Variants in HS3ST2 observed in about 807,000 individuals in gnomAD.
HS3ST2 encodes the protein heparan sulfate glucosamine 3-O-sulfotransferase 2.
A neutral mutation model predicts 26.3 loss-of-function variants in HS3ST2; 17 were observed. That is an observed-to-expected ratio of 0.65 (90% confidence interval 0.44 to 0.97). The LOEUF is 0.97. Ranked by LOEUF, HS3ST2 falls within the 50% of genes least tolerant of loss-of-function variation. The probability of loss-of-function intolerance (pLI) is 0.00; values close to 1 mark genes in which losing one functional copy is unlikely to be tolerated. For synonymous variants in HS3ST2, 237 were observed against 219.2 expected, an observed-to-expected ratio of 1.08 and a Z score of -0.72; for missense variants, 402 against 501.2, an observed-to-expected ratio of 0.80 and a Z score of 1.89.
At chr16:22,824,993 T>G (rs1247650221) in intron 1 of HS3ST2, among the ~76,000 whole-genome samples, 1 of 152,056 alleles carries the variant, frequency 6.6e-6, no homozygotes, top group African/African-American at 2.4e-5. Context: ...CAGATCTTAT[T>G]GGAGAGAGAG....
At chr16:22,823,618 TAAA>T (rs35978909) in intron 1 of HS3ST2, among the ~76,000 whole-genome samples, 350 of 137,290 alleles carry the variant, frequency 2.5e-3, no homozygotes, top group Admixed American at 4.3e-3. Context: ...ACCTCTTCTC[TAAA>T]AAAAAAAAAA....
rs375014675 is a variant in HS3ST2, at chr16:22,911,059, G to T, written c.486-3885G>T. On this transcript the variant is annotated intron_variant, in intron 1 of 1. Transcript: ENST00000261374. The stretch of plus-strand genomic sequence containing the variant: ...ATTTGAAACATTTACTATGAAAAAT[G>T]ATGGAAAGGGCCTGAAAAGACAAAT... 3.2e-3 allele frequency among the ~76,000 whole-genome samples: 489 copies of T among 152,320 alleles called. 2 individuals are homozygous for T. Among genetic ancestry groups the T allele is most frequent in the South Asian group, 0.012 (60 of 4,822 alleles).
intron 1 of HS3ST2, among the ~76,000 whole-genome samples, chr16:22,859,953 C>G (rs990693327): frequency 2.6e-5 from 4 of 152,088 alleles, no homozygotes. Context: ...ATTCCTCAAT[C>G]TGAAGTCCAG....
At chr16:22,894,432 G>A (rs1445267119) in intron 1 of HS3ST2, among the ~76,000 whole-genome samples, 1 of 152,184 alleles carries the variant, frequency 6.6e-6, no homozygotes, top group Admixed American at 6.5e-5. Context: ...AACATTGATT[G>A]TGCCTTTTCC....
chr16:22,827,710 C>CTT (rs34248118), intron 1 of HS3ST2, among the ~76,000 whole-genome samples: 13,070 of 108,868 alleles, frequency 0.12, 1,357 homozygotes, highest in East Asian at 0.17. Context: ...TTCTTTCTTT[C>CTT]TTTTTTTTTT....
chr16:22,886,461 C>T (rs546612852), intron 1 of HS3ST2, among the ~76,000 whole-genome samples: 98 of 152,252 alleles, frequency 6.4e-4, no homozygotes, highest in Non-Finnish European at 1.0e-3. Context: ...GCCGGCCTCA[C>T]GGAAAATAGA....
intron 1 of HS3ST2, among the ~76,000 whole-genome samples, chr16:22,853,871 C>T (rs1016421569): frequency 3.9e-5 from 6 of 152,180 alleles, no homozygotes; most frequent in Non-Finnish European, 8.8e-5. Flanking sequence ...GGCTGATTGT[C>T]TGGTCAAGCA....
chr16:22,857,119 G>A (rs1901607010), intron 1 of HS3ST2, among the ~76,000 whole-genome samples: 1 of 152,068 alleles, frequency 6.6e-6, no homozygotes, highest in Non-Finnish European at 1.5e-5. Flanking sequence ...GAGGTTCAGA[G>A]GGGCTAAATG....
chr16:22,814,679 CT>C lies in HS3ST2; in HGVS notation c.71del (p.Phe24SerfsTer99). On this transcript the variant is annotated frameshift_variant, in exon 1 of 2. Coordinates refer to ENST00000261374, the MANE Select transcript of HS3ST2 (RefSeq NM_006043.2). LOFTEE classifies it high-confidence loss of function. Reference sequence around the variant, plus strand: ...GGAGGGCGCGCAGGCTGCTCTTCGCCTTCACGCTCTCGCTCTCCTGCACTTA... The same window carrying C: ...GGAGGGCGCGCAGGCTGCTCTTCGCCTCACGCTCTCGCTCTCCTGCACTTA... Reference protein sequence around the residue: ...PRRARRLLFAFTLSLSCTYLC... With the variant: ...PRRARRLLFAXTLSLSCTYLC... 6.3e-7 allele frequency: 1 copy of C among 1,597,760 alleles called. No homozygotes were observed.
chr16:22,874,709 A>G (rs544179213), intron 1 of HS3ST2, among the ~76,000 whole-genome samples: 1 of 152,362 alleles, frequency 6.6e-6, no homozygotes, highest in South Asian at 2.1e-4. Flanking sequence ...GGGACCTGGC[A>G]TACCTCCAGG....
intron 1 of HS3ST2, among the ~76,000 whole-genome samples, chr16:22,892,672 AC>A (rs1260258105): frequency 6.6e-6 from 1 of 152,182 alleles, no homozygotes; most frequent in Non-Finnish European, 1.5e-5. Flanking sequence ...ATATCTTAAT[AC>A]TTTGACAGGA....
At chr16:22,818,053 A>G (rs1004092487) in intron 1 of HS3ST2, among the ~76,000 whole-genome samples, 8 of 152,194 alleles carry the variant, frequency 5.3e-5, no homozygotes, top group African/African-American at 1.9e-4. Flanking sequence ...CAGAGAGCCC[A>G]GCCTTCTGCA....
chr16:22,878,424 T>C (rs920523108), intron 1 of HS3ST2, among the ~76,000 whole-genome samples: 1 of 152,198 alleles, frequency 6.6e-6, no homozygotes, highest in Non-Finnish European at 1.5e-5. Flanking sequence ...GAAGGGAGAT[T>C]AGTACATGTT....
At chr16:22,890,611 A>T (rs1902115062) in intron 1 of HS3ST2, among the ~76,000 whole-genome samples, 2 of 152,268 alleles carry the variant, frequency 1.3e-5, no homozygotes, top group African/African-American at 4.8e-5. Flanking sequence ...TGTACAAAGT[A>T]CATCACACTT....
chr16:22,818,035 G>T (rs1335251887), intron 1 of HS3ST2, among the ~76,000 whole-genome samples: 1 of 152,160 alleles, frequency 6.6e-6, no homozygotes, highest in Non-Finnish European at 1.5e-5. Flanking sequence ...TCCCGTTCAG[G>T]CCACTACCAG....
intron 1 of HS3ST2, among the ~76,000 whole-genome samples, chr16:22,892,018 T>C (rs912434253): frequency 4.6e-5 from 7 of 151,014 alleles, no homozygotes; most frequent in African/African-American, 1.7e-4. Context: ...CTCACGCCTG[T>C]AATCCCAGCA....
intron 1 of HS3ST2, among the ~76,000 whole-genome samples, chr16:22,830,860 A>G (rs536297389): frequency 6.6e-6 from 1 of 152,310 alleles, no homozygotes; most frequent in Non-Finnish European, 1.5e-5. Flanking sequence ...ATTGAGGTCC[A>G]CTCATAACTT....
At chr16:22,815,260 C>T (rs1900847092) in intron 1 of HS3ST2, among the ~76,000 whole-genome samples, 165 bp downstream of exon 1, 1 of 152,226 alleles carries the variant, frequency 6.6e-6, no homozygotes, top group Admixed American at 6.5e-5. Flanking sequence ...CCAGAACTTC[C>T]CAGTGATAAT....
chr16:22,825,778 C>CT (rs2141176260), intron 1 of HS3ST2, among the ~76,000 whole-genome samples: 1 of 152,330 alleles, frequency 6.6e-6, no homozygotes, highest in Admixed American at 6.5e-5. Context: ...AATCCCAGCA[C>CT]TTTGGGAGGC....
Sources: allele counts gnomAD v4.1 joint callset (sites outside exome capture counted in the v4.1 genomes callset), GRCh38; gene constraint gnomAD v4.1.1; transcripts MANE v1.5; gene names NCBI Gene and HGNC (gene_info 2026-07-23, HGNC 2026-07-21).